Variants in HEMK2 observed in about 807,000 individuals in gnomAD.
HEMK2 encodes the protein HemK methyltransferase 2, ETF1 glutamine and histone H4 lysine.
the HEMK2 span, among the ~76,000 whole-genome samples, chr21:28,576,153 T>C: frequency 1.3e-5 from 2 of 152,228 alleles, no homozygotes; most frequent in Non-Finnish European, 2.9e-5. Flanking sequence ...TTTAATGTTA[T>C]AAGAAACTGC....
At chr21:28,872,450 C>T in the HEMK2 span, 9 of 152,360 alleles carry the variant, frequency 5.9e-5, no homozygotes, top group Admixed American at 5.2e-4. Context: ...CATGTTCATT[C>T]AGGCAAGCCA....
At chr21:28,730,691 T>C in the HEMK2 span, among the ~76,000 whole-genome samples, 9 of 152,112 alleles carry the variant, frequency 5.9e-5, no homozygotes, top group Non-Finnish European at 8.8e-5. Flanking sequence ...ATTTAGAACA[T>C]GGCAGCTTGC....
the HEMK2 span, among the ~76,000 whole-genome samples, chr21:28,677,135 T>C: frequency 6.6e-6 from 1 of 152,112 alleles, no homozygotes; most frequent in South Asian, 2.1e-4. Flanking sequence ...GGTCAGGGAA[T>C]TCCCTTTCCT....
chr21:28,766,710 G>A, the HEMK2 span, among the ~76,000 whole-genome samples: 1 of 152,086 alleles, frequency 6.6e-6, no homozygotes, highest in Admixed American at 6.6e-5. Context: ...GCAACAACTT[G>A]AAGAGAGCTG....
the HEMK2 span, among the ~76,000 whole-genome samples, chr21:28,865,461 C>T: frequency 6.6e-6 from 1 of 152,226 alleles, no homozygotes; most frequent in Non-Finnish European, 1.5e-5. Flanking sequence ...GCCACCACGC[C>T]CAGCCTAGAA....
the HEMK2 span, among the ~76,000 whole-genome samples, chr21:28,770,671 G>A: frequency 6.7e-6 from 1 of 149,446 alleles, no homozygotes; most frequent in Non-Finnish European, 1.5e-5. Context: ...AGCAAGTTCA[G>A]CTCTCTCTCT....
the HEMK2 span, chr21:28,876,282 T>C: frequency 6.7e-6 from 5 of 750,586 alleles, no homozygotes; most frequent in Non-Finnish European, 1.0e-5. Flanking sequence ...CTTTTTTTAA[T>C]GACAAATTTC....
the HEMK2 span, among the ~76,000 whole-genome samples, chr21:28,735,630 T>C: frequency 3.3e-5 from 5 of 152,108 alleles, no homozygotes; most frequent in Non-Finnish European, 7.4e-5. Flanking sequence ...CGACTGGGGT[T>C]GGGGAGGCGG....
At chr21:28,827,545 C>G in the HEMK2 span, among the ~76,000 whole-genome samples, 2 of 152,212 alleles carry the variant, frequency 1.3e-5, no homozygotes, top group Non-Finnish European at 2.9e-5. Context: ...CCCTGCGTAA[C>G]AAGCAGCATG....
At chr21:28,638,581 C>A in the HEMK2 span, among the ~76,000 whole-genome samples, 2 of 152,158 alleles carry the variant, frequency 1.3e-5, no homozygotes, top group Non-Finnish European at 2.9e-5. Flanking sequence ...GCAAAAGAAA[C>A]AACTGCCTCA....
chr21:28,623,414 A>G, the HEMK2 span, among the ~76,000 whole-genome samples: 5 of 152,342 alleles, frequency 3.3e-5, no homozygotes, highest in Admixed American at 1.3e-4. Context: ...ACCATTGTGG[A>G]AGACAGTGTG....
the HEMK2 span, among the ~76,000 whole-genome samples, chr21:28,739,548 C>G: frequency 3.3e-5 from 5 of 152,254 alleles, no homozygotes; most frequent in East Asian, 9.7e-4. Flanking sequence ...TGGGAGAAAA[C>G]TAAATCTTCA....
At chr21:28,677,673 C>T in the HEMK2 span, among the ~76,000 whole-genome samples, 10 of 152,196 alleles carry the variant, frequency 6.6e-5, no homozygotes, top group Non-Finnish European at 1.2e-4. Flanking sequence ...ACACCTCACA[C>T]GGCTGGGTAT....
chr21:28,791,132 T>C, the HEMK2 span, among the ~76,000 whole-genome samples: 1 of 152,156 alleles, frequency 6.6e-6, no homozygotes, highest in Non-Finnish European at 1.5e-5. Flanking sequence ...CATGTTAATA[T>C]TACCTCAGTT....
chr21:28,759,691 C>G, the HEMK2 span, among the ~76,000 whole-genome samples: 1 of 152,092 alleles, frequency 6.6e-6, no homozygotes, highest in Admixed American at 6.5e-5. Flanking sequence ...CAGTTTCCCC[C>G]ACACTGTTCT....
the HEMK2 span, among the ~76,000 whole-genome samples, chr21:28,790,962 C>T: frequency 6.6e-6 from 1 of 151,532 alleles, no homozygotes; most frequent in Admixed American, 6.6e-5. Context: ...TGCACATGTA[C>T]CCTAAAACTT....
At chr21:28,801,381 CA>C in the HEMK2 span, among the ~76,000 whole-genome samples, 1 of 152,072 alleles carries the variant, frequency 6.6e-6, no homozygotes, top group Admixed American at 6.5e-5. Flanking sequence ...AAACTATAAA[CA>C]TTCTTTTTTT....
chr21:28,805,811 C>T, the HEMK2 span, among the ~76,000 whole-genome samples: 1 of 152,092 alleles, frequency 6.6e-6, no homozygotes, highest in Non-Finnish European at 1.5e-5. Context: ...GCTTTCTTTT[C>T]TCTGAAACTA....
At chr21:28,620,660 C>CTTTTTTTTTTTTTTT in the HEMK2 span, among the ~76,000 whole-genome samples, 561 of 49,656 alleles carry the variant, frequency 0.011, 121 homozygotes, top group Middle Eastern at 0.045. Context: ...TCTCTCTTTT[C>CTTTTTTTTTTTTTTT]TTTTTTTTTT....
Sources: gnomAD v4.1 joint callset for allele counts (sites outside exome capture counted in the v4.1 genomes callset) on GRCh38, gnomAD v4.1.1 for gene constraint, MANE v1.5 for transcripts, NCBI Gene and HGNC (gene_info 2026-07-23, HGNC 2026-07-21) for gene names.